The following MIGA1 variants were observed in gnomAD, a reference collection of about 807,000 sequenced individuals.
The protein encoded by MIGA1 is mitoguardin 1.
MIGA1 carries 58 observed loss-of-function variants against 82.0 expected under a neutral mutation model. The observed-to-expected ratio is 0.71, with a 90% CI of 0.57 to 0.88. The LOEUF is 0.88. Among genes scored for constraint, MIGA1 ranks in the 40% least tolerant of loss-of-function variants. The pLI is 0.00. For synonymous variants in MIGA1, 249 were observed against 253.6 expected (o/e 0.98, Z 0.17); for missense variants, 751 against 749.1 (o/e 1.00, Z -0.03).
At chr1:77,839,234 A>AATAATAATAACC (rs959669551) in intron 7 of MIGA1, among the ~76,000 whole-genome samples, 4 of 151,972 alleles carry the variant, frequency 2.6e-5, no homozygotes, top group Non-Finnish European at 5.9e-5. Flanking sequence ...TAATAATAAT[A>AATAATAATAACC]ATAATAACCA....
intron 7 of MIGA1, among the ~76,000 whole-genome samples, chr1:77,819,350 C>T (rs1683711014): frequency 6.6e-6 from 1 of 151,968 alleles, no homozygotes; most frequent in African/African-American, 2.4e-5. Context: ...GTGGCGTGAT[C>T]TTGGCTCACT....
At chr1:77,824,640 G>A (rs1683961307) in intron 7 of MIGA1, among the ~76,000 whole-genome samples, 9 of 152,192 alleles carry the variant, frequency 5.9e-5, no homozygotes, top group Admixed American at 5.9e-4. Context: ...AATATTTTGT[G>A]TTTTAAAAGC....
chr1:77,826,303 T>C (rs1313493627), intron 7 of MIGA1, among the ~76,000 whole-genome samples: 1 of 152,232 alleles, frequency 6.6e-6, no homozygotes, highest in Non-Finnish European at 1.5e-5. Context: ...AGGTGCTTTT[T>C]ATAAATCTAC....
intron 7 of MIGA1, among the ~76,000 whole-genome samples, chr1:77,836,491 T>C (rs948345898): frequency 3.9e-5 from 6 of 152,172 alleles, no homozygotes; most frequent in Admixed American, 6.5e-5. Context: ...GTAGGATATA[T>C]GTAGAGTAGA....
chr1:77,822,286 C>T (rs564032848), intron 7 of MIGA1, among the ~76,000 whole-genome samples: 1 of 152,230 alleles, frequency 6.6e-6, no homozygotes, highest in South Asian at 2.1e-4. Context: ...TGGGGCCGGG[C>T]ACAGTAACTC....
chr1:77,792,203 A>C (rs956812582), intron 2 of MIGA1, among the ~76,000 whole-genome samples: 2 of 152,234 alleles, frequency 1.3e-5, no homozygotes, highest in East Asian at 3.8e-4. Flanking sequence ...TATGGGAAAC[A>C]TAAGAGTAAC....
chr1:77,780,978 C>A (rs1681885636), intron 1 of MIGA1, among the ~76,000 whole-genome samples: 1 of 149,320 alleles, frequency 6.7e-6, no homozygotes. Flanking sequence ...GTGATCTCTG[C>A]TCACTGCAAC....
intron 6 of MIGA1, 90 bp from the exon 7 acceptor site, chr1:77,815,018 T>C: frequency 6.5e-6 from 6 of 916,644 alleles, no homozygotes; most frequent in Non-Finnish European, 9.0e-6. Flanking sequence ...ATTACTCACT[T>C]TCTTTGCCTT....
At position 77,876,549 on chromosome 1, in the gene MIGA1, C is replaced by T. The variant is rs1646895492; in HGVS notation, c.*1485C>T. On this transcript the variant is annotated 3_prime_UTR_variant, in exon 16 of 16. Transcript: ENST00000370791. Reference sequence around the variant, plus strand: ...TTTAAAATTTAGTGTTATTTGAAGACTGTCAACATCTGAAGGTATGAAACT... The same window carrying T: ...TTTAAAATTTAGTGTTATTTGAAGATTGTCAACATCTGAAGGTATGAAACT... 1 of 152,170 alleles carries T rather than the reference C, an allele frequency of 6.6e-6. No homozygotes were observed. Among genetic ancestry groups the T allele is most frequent in the Admixed American group, 6.5e-5 (1 of 15,280 alleles). The allele number at this position is 152,170 out of a possible 1,614,324, so 9.4% of individuals were successfully genotyped here.
chr1:77,779,679 A>G lies in MIGA1; in HGVS notation c.24A>G (p.Pro8=), dbSNP rs762256754. 1.3e-6 allele frequency: 2 copies of G among 1,583,838 alleles called. No homozygotes were observed. The highest frequency in any genetic ancestry group is 8.6e-7 in the Non-Finnish European group (1 of 1,164,562). Reference sequence around the variant, plus strand: ...CCATGTCAGACTGCTGCTCAGCGCCAGGCATCAGCTGGGAAGCTGGCGTGG... The same window carrying G: ...CCATGTCAGACTGCTGCTCAGCGCCGGGCATCAGCTGGGAAGCTGGCGTGG... Residue 8 remains proline, a synonymous_variant, in exon 1 of 16, where the codon CCA becomes CCG. Coordinates refer to ENST00000370791, the MANE Select transcript of MIGA1 (RefSeq NM_198549.4).
At chr1:77,846,916 C>T (rs1283762894) in intron 8 of MIGA1, among the ~76,000 whole-genome samples, 1 of 152,038 alleles carries the variant, frequency 6.6e-6, no homozygotes, top group Admixed American at 6.6e-5. Flanking sequence ...CACTGCACTC[C>T]AGCCTGGGCA....
At chr1:77,793,134 C>T (rs1043132439) in intron 2 of MIGA1, among the ~76,000 whole-genome samples, 35 of 150,862 alleles carry the variant, frequency 2.3e-4, no homozygotes, top group Non-Finnish European at 5.0e-4. Flanking sequence ...AAGACAGGGT[C>T]TCTCTGTTGC....
intron 5 of MIGA1, chr1:77,811,830 G>A: frequency 3.3e-6 from 5 of 1,497,210 alleles, no homozygotes; most frequent in Non-Finnish European, 3.6e-6. Context: ...GCAAGGCCGG[G>A]TTCTAGGGCG....
At chr1:77,818,488 T>A (rs1490023056) in intron 7 of MIGA1, among the ~76,000 whole-genome samples, 2 of 152,068 alleles carry the variant, frequency 1.3e-5, no homozygotes, top group Non-Finnish European at 2.9e-5. Flanking sequence ...GTACGTGAAG[T>A]GCTTAACAAA....
intron 6 of MIGA1, 89 bp downstream of exon 6, chr1:77,813,956 T>G (rs938679191): frequency 2.9e-6 from 4 of 1,394,028 alleles, no homozygotes; most frequent in Non-Finnish European, 4.0e-6. Flanking sequence ...GTCTCACTGT[T>G]GTTACCCAGG....
chr1:77,816,944 A>G (rs1369206956), intron 7 of MIGA1, among the ~76,000 whole-genome samples: 1 of 152,160 alleles, frequency 6.6e-6, no homozygotes, highest in African/African-American at 2.4e-5. Context: ...AAAAAATTAT[A>G]AGGAGGAAAG....
Position 77,783,332 on chromosome 1 carries a change from G to T in MIGA1, c.176G>T (p.Trp59Leu). The change falls in exon 2 of 16, where the codon TGG becomes TTG. Residue 59 changes from tryptophan to leucine, a missense_variant. Trp to Leu is a moderately conservative substitution (Grantham distance 61). Around this residue, in one of 3 missense-constraint regions of MIGA1, gnomAD observed 482 missense variants for 439.4 expected, o/e 1.10. Transcript: ENST00000370791. Reference sequence around the variant, plus strand: ...AGAGTGTTTGATCTTCCTCTGACTTGGTACTATTCTCTCTCCCAGGTAAAT... The same window carrying T: ...AGAGTGTTTGATCTTCCTCTGACTTTGTACTATTCTCTCTCCCAGGTAAAT... 3 of 1,583,276 alleles carry T rather than the reference G, an allele frequency of 1.9e-6. No individual in the cohort carries two copies. Among genetic ancestry groups the T allele is most frequent in the East Asian group, 2.2e-5 (1 of 44,618 alleles).
Position 77,878,732 on chromosome 1 carries a change from A to G in MIGA1, c.*3668A>G, listed in dbSNP as rs1646914010. Reference sequence around the variant, plus strand: ...AATTTCCCTACATTTTTGTTCAACTAAGAGTGCTTATTTCTTCTTGAAGGT... The same window carrying G: ...AATTTCCCTACATTTTTGTTCAACTGAGAGTGCTTATTTCTTCTTGAAGGT... On this transcript the variant is annotated 3_prime_UTR_variant, in exon 16 of 16. Transcript: ENST00000370791. The G allele has an allele frequency of 2.6e-6, 1 of 382,178 alleles. No homozygotes were observed. Among genetic ancestry groups the G allele is most frequent in the African/African-American group, 2.1e-5 (1 of 48,316 alleles). 23.7% of individuals were successfully genotyped at this position (382,178 alleles called of 1,614,324 possible). A position where few individuals can be genotyped will look rare whatever the true frequency, so the allele number is the denominator to read the frequency against.
intron 12 of MIGA1, chr1:77,861,588 C>G: frequency 2.7e-6 from 1 of 376,066 alleles, no homozygotes; most frequent in Non-Finnish European, 4.8e-6. Context: ...TCTCTTCCTT[C>G]TCTCCAAAAG....
Sources: allele counts gnomAD v4.1 joint callset (sites outside exome capture counted in the v4.1 genomes callset), GRCh38; gene constraint gnomAD v4.1.1; regional missense constraint gnomAD v4.1.1; transcripts MANE v1.5; gene names NCBI Gene and HGNC (gene_info 2026-07-23, HGNC 2026-07-21).